The following CD44 variants were observed in gnomAD, a reference collection of about 807,000 sequenced individuals.
The protein encoded by CD44 is CD44 molecule (IN blood group), also known as CD44 antigen.
In CD44, 49 loss-of-function variants were observed where a neutral mutation model predicts 88.8. That is an observed-to-expected ratio of 0.55 (90% CI 0.44 to 0.70). CD44 has a LOEUF of 0.70. Among genes scored for constraint, CD44 ranks in the 30% least tolerant of loss-of-function variants. The pLI is 0.00. For missense variants in CD44, 883 were observed against 913.8 expected, an observed-to-expected ratio of 0.97 and a Z score of 0.43; for synonymous variants, 325 against 312.3, an observed-to-expected ratio of 1.04 and a Z score of -0.43.
rs769967363 is a variant in CD44 at position 35,198,102 on chromosome 11, A to C, written c.797-19A>C. ...TGCTTGGCGTCCAGCTCAGCCACTA[A>C]TGCAAGTCACCACAACAGGTACGTC... On this transcript the variant is annotated intron_variant, in intron 6 of 17. Coordinates refer to ENST00000428726, the MANE Select transcript of CD44 (RefSeq NM_000610.4). 2 of 1,610,394 alleles carry C rather than the reference A, an allele frequency of 1.2e-6. No homozygotes were observed. The highest frequency in any genetic ancestry group is 2.2e-5 in the East Asian group (1 of 44,774).
intron 1 of CD44, among the ~76,000 whole-genome samples, chr11:35,166,389 G>A (rs951479584): frequency 3.3e-5 from 5 of 151,862 alleles, no homozygotes; most frequent in Non-Finnish European, 5.9e-5. Context: ...AGGACCAGGA[G>A]TGGGGGGTTA....
intron 7 of CD44, among the ~76,000 whole-genome samples, chr11:35,199,861 G>T (rs1391442535): frequency 1.3e-5 from 2 of 150,996 alleles, no homozygotes; most frequent in Non-Finnish European, 2.9e-5. Flanking sequence ...ATTCCCTTGG[G>T]TGGTAACCCA....
At chr11:35,166,021 T>C (rs353631) in intron 1 of CD44, among the ~76,000 whole-genome samples, 38,743 of 152,100 alleles carry the variant, frequency 0.25, 4,974 homozygotes, top group African/African-American at 0.29. Flanking sequence ...GTATCAGTCA[T>C]TGTAACTACC....
At chr11:35,144,400 G>A (rs537882716) in intron 1 of CD44, among the ~76,000 whole-genome samples, 12 of 152,330 alleles carry the variant, frequency 7.9e-5, no homozygotes, top group African/African-American at 2.9e-4. Flanking sequence ...AAATTCTGGG[G>A]TTTGCACAGC....
chr11:35,172,105 G>T (rs981830675), intron 1 of CD44, among the ~76,000 whole-genome samples: 1 of 152,172 alleles, frequency 6.6e-6, no homozygotes, highest in African/African-American at 2.4e-5. Context: ...CAAACAAAAT[G>T]CCTTGAGCAT....
chr11:35,166,416 C>G (rs1475743625), intron 1 of CD44, among the ~76,000 whole-genome samples: 2 of 151,856 alleles, frequency 1.3e-5, no homozygotes, highest in African/African-American at 2.4e-5. Flanking sequence ...TCTCCATACC[C>G]TCACCTCCAA....
chr11:35,180,049 A>T (rs1248272317), intron 2 of CD44, among the ~76,000 whole-genome samples: 1 of 151,980 alleles, frequency 6.6e-6, no homozygotes, highest in African/African-American at 2.4e-5. Context: ...AAAGCTCTTT[A>T]TAGGTCTCTA....
In CD44 at chr11:35,143,298, T is replaced by C. The variant is rs564593075; in HGVS notation, c.67+3928T>C. ...AACCTGATGCTCTGCTGTGGTACCA[T>C]ATGGTCCTGTGTAAAGCAGGGTCCT... On this transcript the variant is annotated intron_variant, in intron 1 of 17. Coordinates refer to ENST00000428726, the MANE Select transcript of CD44 (RefSeq NM_000610.4). Among the ~76,000 whole-genome samples, 5 of 151,526 alleles carry C rather than the reference T, an allele frequency of 3.3e-5. No individual in the cohort carries two copies. In the East Asian group the frequency reaches 5.8e-4, roughly 18 times the overall value.
At chr11:35,225,133 G>A (rs1250383216) in intron 17 of CD44, among the ~76,000 whole-genome samples, 1 of 122,898 alleles carries the variant, frequency 8.1e-6, no homozygotes, top group Non-Finnish European at 1.9e-5. Context: ...TTCAACTGAG[G>A]AAGTGAATTT....
intron 11 of CD44, 86 bp downstream of exon 11, chr11:35,206,329 GT>G: frequency 7.3e-7 from 1 of 1,367,318 alleles, no homozygotes; most frequent in Non-Finnish European, 9.8e-7. Flanking sequence ...TATGCCCTTG[GT>G]TTTAGACCAA....
intron 1 of CD44, among the ~76,000 whole-genome samples, chr11:35,155,844 T>C (rs910541399): frequency 3.3e-5 from 5 of 152,208 alleles, no homozygotes; most frequent in African/African-American, 1.2e-4. Context: ...CCTTTTCTAC[T>C]GCACTCTTAG....
At chr11:35,208,538 C>T (rs1016977054) in intron 12 of CD44, among the ~76,000 whole-genome samples, 1 of 152,064 alleles carries the variant, frequency 6.6e-6, no homozygotes, top group African/African-American at 2.4e-5. Context: ...TTTAACTGAC[C>T]ATTTCCTTTC....
intron 4 of CD44, among the ~76,000 whole-genome samples, chr11:35,187,795 C>T (rs540580902): frequency 1.9e-4 from 29 of 152,262 alleles, no homozygotes; most frequent in African/African-American, 5.3e-4. Flanking sequence ...CTTCCTGATA[C>T]GTGTTTTGAC....
chr11:35,156,466 C>A (rs1302206858), intron 1 of CD44, among the ~76,000 whole-genome samples: 4 of 152,208 alleles, frequency 2.6e-5, no homozygotes, highest in Non-Finnish European at 4.4e-5. Context: ...GATGAACGAT[C>A]TAAAGGAAAT....
intron 5 of CD44, among the ~76,000 whole-genome samples, chr11:35,194,708 T>C (rs1324097685): frequency 6.6e-6 from 1 of 152,220 alleles, no homozygotes; most frequent in African/African-American, 2.4e-5. Flanking sequence ...GGGGATATGA[T>C]TGATATTCTT....
intron 9 of CD44, among the ~76,000 whole-genome samples, chr11:35,203,001 G>A (rs985852816): frequency 1.3e-5 from 2 of 152,286 alleles, no homozygotes; most frequent in Middle Eastern, 6.8e-3. Context: ...GTCAAAAGGT[G>A]GTGCTTGCGG....
chr11:35,166,880 C>T (rs1347587393), intron 1 of CD44, among the ~76,000 whole-genome samples: 1 of 152,240 alleles, frequency 6.6e-6, no homozygotes, highest in Non-Finnish European at 1.5e-5. Flanking sequence ...CTGCACTGGG[C>T]AGCCAAAGGC....
intron 1 of CD44, among the ~76,000 whole-genome samples, chr11:35,173,385 T>A (rs1279837562): frequency 6.6e-6 from 1 of 152,260 alleles, no homozygotes; most frequent in African/African-American, 2.4e-5. Context: ...GTTGAAAATG[T>A]CAGTAAAAAC....
chr11:35,186,750 C>A, intron 3 of CD44, 82 bp from the exon 4 acceptor site: 2 of 810,118 alleles, frequency 2.5e-6, no homozygotes, highest in Non-Finnish European at 2.2e-6. Context: ...AGTAAAACTC[C>A]ATTCTAACTG....
Sources: allele counts gnomAD v4.1 joint callset (sites outside exome capture counted in the v4.1 genomes callset), GRCh38; gene constraint gnomAD v4.1.1; transcripts MANE v1.5; gene names NCBI Gene and HGNC (gene_info 2026-07-23, HGNC 2026-07-21).